Variants in NWD2 observed in about 807,000 individuals in gnomAD.
NWD2 encodes the protein NACHT and WD repeat domain containing 2, also known as NACHT and WD repeat domain-containing protein 2.
Under a neutral mutation model 132.7 loss-of-function variants are expected in NWD2, and 37 were observed. That is an observed-to-expected ratio of 0.28 (90% CI 0.21 to 0.37). The LOEUF is 0.37. Among genes scored for constraint, NWD2 ranks in the 10% least tolerant of loss-of-function variants. The pLI is 1.00. For synonymous variants in NWD2, 705 were observed against 803.0 expected, an observed-to-expected ratio of 0.88 and a Z score of 2.06; for missense variants, 1,592 against 2,122.4, an observed-to-expected ratio of 0.75 and a Z score of 4.91.
intron 2 of NWD2, among the ~76,000 whole-genome samples, chr4:37,339,997 G>T (rs574760684): frequency 1.4e-5 from 2 of 145,054 alleles, no homozygotes; most frequent in African/African-American, 2.6e-5. Flanking sequence ...ATTTCTTTCC[G>T]TCCTCATATT....
At chr4:37,387,670 CTTTTT>C (rs34665816) in intron 3 of NWD2, among the ~76,000 whole-genome samples, 1 of 88,702 alleles carries the variant, frequency 1.1e-5, no homozygotes, top group Non-Finnish European at 2.1e-5. Context: ...TTGAAATATT[CTTTTT>C]TTTTTTTTTT....
At chr4:37,383,829 G>A (rs1316646818) in intron 3 of NWD2, among the ~76,000 whole-genome samples, 1 of 152,144 alleles carries the variant, frequency 6.6e-6, no homozygotes, top group Non-Finnish European at 1.5e-5. Context: ...CTCTAGAGGA[G>A]TAATTCCAAG....
chr4:37,416,961 G>A (rs995137921), intron 3 of NWD2, among the ~76,000 whole-genome samples: 3 of 151,956 alleles, frequency 2.0e-5, no homozygotes, highest in African/African-American at 4.8e-5. Context: ...GTGGGAGGGG[G>A]ATGAAGGATA....
chr4:37,386,321 A>G (rs1057454976), intron 3 of NWD2, among the ~76,000 whole-genome samples: 1 of 152,138 alleles, frequency 6.6e-6, no homozygotes, highest in African/African-American at 2.4e-5. Context: ...ACATGAAACC[A>G]TCATGAATTT....
At chr4:37,417,094 A>C (rs1354650658) in intron 3 of NWD2, among the ~76,000 whole-genome samples, 7 of 152,360 alleles carry the variant, frequency 4.6e-5, no homozygotes, top group African/African-American at 7.2e-5. Context: ...CCTGTTCCCC[A>C]AAAACCTATC....
chr4:37,325,032 T>G (rs1452238703), intron 1 of NWD2, among the ~76,000 whole-genome samples: 2 of 152,180 alleles, frequency 1.3e-5, no homozygotes, highest in Non-Finnish European at 2.9e-5. Flanking sequence ...TTAACCTAAT[T>G]TTTGAAAACT....
chr4:37,257,170 C>T (rs1426221566), intron 1 of NWD2, among the ~76,000 whole-genome samples: 2 of 152,182 alleles, frequency 1.3e-5, no homozygotes, highest in African/African-American at 2.4e-5. Flanking sequence ...TAGATCTTCA[C>T]CCCCGTTGAG....
At chr4:37,259,549 C>A (rs1312032652) in intron 1 of NWD2, among the ~76,000 whole-genome samples, 1 of 152,204 alleles carries the variant, frequency 6.6e-6, no homozygotes, top group Non-Finnish European at 1.5e-5. Context: ...CTTTAGGTTA[C>A]ACATCTCATC....
chr4:37,274,348 C>T (rs1306326869), intron 1 of NWD2, among the ~76,000 whole-genome samples: 8 of 152,110 alleles, frequency 5.3e-5, no homozygotes, highest in Non-Finnish European at 8.8e-5. Context: ...GGATAAATTC[C>T]TCGACACATA....
Position 37,348,527 on chromosome 4 carries a change from C to G in NWD2, c.241-7839C>G, listed in dbSNP as rs1026441699. Among the ~76,000 whole-genome samples the G allele has an allele frequency of 2.0e-5, 3 of 150,036 alleles. No homozygotes were observed. In the Admixed American group the frequency reaches 2.0e-4, roughly 10 times the overall value. ...AAGCCCAGTGAATTCCAGGCCATGACCAACCAGTGAAGCCATCCCTTCTCA... is the reference window on the plus strand; with the variant it reads ...AAGCCCAGTGAATTCCAGGCCATGAGCAACCAGTGAAGCCATCCCTTCTCA... On this transcript the variant is annotated intron_variant, in intron 2 of 6. Coordinates refer to ENST00000309447, the MANE Select transcript of NWD2 (RefSeq NM_001144990.2).
At chr4:37,297,089 C>T (rs955662014) in intron 1 of NWD2, among the ~76,000 whole-genome samples, 6 of 152,300 alleles carry the variant, frequency 3.9e-5, no homozygotes, top group African/African-American at 1.2e-4. Flanking sequence ...TCCCCCACTC[C>T]TCTGTGTGTG....
At chr4:37,394,034 G>A (rs1720730918) in intron 3 of NWD2, among the ~76,000 whole-genome samples, 1 of 152,204 alleles carries the variant, frequency 6.6e-6, no homozygotes, top group Non-Finnish European at 1.5e-5. Flanking sequence ...CCTGCAGTGG[G>A]AATGTGGAAA....
chr4:37,368,079 C>T (rs1720136484), intron 3 of NWD2, among the ~76,000 whole-genome samples: 1 of 152,138 alleles, frequency 6.6e-6, no homozygotes, highest in African/African-American at 2.4e-5. Context: ...ACTCAGATAA[C>T]ATAATCGCTA....
At chr4:37,260,884 C>T (rs775403294) in intron 1 of NWD2, among the ~76,000 whole-genome samples, 2 of 152,186 alleles carry the variant, frequency 1.3e-5, no homozygotes, top group Non-Finnish European at 2.9e-5. Flanking sequence ...TAGCCACATA[C>T]AACACATGAT....
intron 2 of NWD2, among the ~76,000 whole-genome samples, chr4:37,355,256 C>T (rs1050030868): frequency 1.3e-5 from 2 of 152,104 alleles, no homozygotes; most frequent in African/African-American, 4.8e-5. Flanking sequence ...AGCATAGAGC[C>T]CCCAAAATCA....
At chr4:37,437,795 A>G (rs532720718) in intron 5 of NWD2, among the ~76,000 whole-genome samples, 16 of 152,356 alleles carry the variant, frequency 1.1e-4, no homozygotes, top group African/African-American at 3.8e-4. Context: ...TTTATAATAT[A>G]TATGTACTTG....
chr4:37,439,712 G>T lies in NWD2; in HGVS notation c.1296+322G>T, dbSNP rs569236297. Among the ~76,000 whole-genome samples the T allele has an allele frequency of 6.6e-6, 1 of 152,164 alleles. No homozygotes were observed. The highest frequency in any genetic ancestry group is 1.5e-5 in the Non-Finnish European group (1 of 68,024). On this transcript the variant is annotated intron_variant, in intron 6 of 6. Transcript: ENST00000309447. The surrounding 1 kb of genome is among the most constrained non-coding windows in gnomAD (Gnocchi z 4.5). Reference sequence around the variant, plus strand: ...ACTGTTCTCATTCCTTTCAGACAAGGACAAGCCCTCTGGTCACTCCAGTCT... The same window carrying T: ...ACTGTTCTCATTCCTTTCAGACAAGTACAAGCCCTCTGGTCACTCCAGTCT...
At chr4:37,380,395 A>C (rs1345455703) in intron 3 of NWD2, among the ~76,000 whole-genome samples, 1 of 152,232 alleles carries the variant, frequency 6.6e-6, no homozygotes, top group Non-Finnish European at 1.5e-5. Flanking sequence ...CAGTATTTAC[A>C]TATCTGTTCT....
chr4:37,359,072 C>T (rs1445462667), intron 3 of NWD2, among the ~76,000 whole-genome samples: 1 of 152,108 alleles, frequency 6.6e-6, no homozygotes, highest in Non-Finnish European at 1.5e-5. Context: ...GAGATGTTCT[C>T]CCCCTTTTAT....
Sources: allele counts gnomAD v4.1 joint callset (sites outside exome capture counted in the v4.1 genomes callset), GRCh38; gene constraint gnomAD v4.1.1; non-coding constraint Gnocchi (gnomAD v3.1); transcripts MANE v1.5; gene names NCBI Gene and HGNC (gene_info 2026-07-23, HGNC 2026-07-21).